Variants in C13orf42 observed in about 807,000 individuals in gnomAD.
The protein encoded by C13orf42 is uncharacterized protein C13orf42.
intron 1 of C13orf42, chr13:51,172,237 G>A (rs1332641763): frequency 3.3e-5 from 5 of 152,082 alleles, no homozygotes; most frequent in African/African-American, 7.3e-5. Flanking sequence ...ACTGAAAATC[G>A]GACTGTTCAA....
chr13:51,102,117 A>G (rs1324950692), intron 1 of C13orf42, among the ~76,000 whole-genome samples: 1 of 152,190 alleles, frequency 6.6e-6, no homozygotes, highest in Non-Finnish European at 1.5e-5. Flanking sequence ...GTTCATATTG[A>G]ATTTTTACTG....
At chr13:51,110,342 A>G (rs1388015480) in intron 1 of C13orf42, among the ~76,000 whole-genome samples, 8 of 152,200 alleles carry the variant, frequency 5.3e-5, no homozygotes. Flanking sequence ...ATAGATGTGC[A>G]ATGCAAATAT....
chr13:51,147,871 G>A (rs953585894), intron 1 of C13orf42, among the ~76,000 whole-genome samples: 5 of 152,184 alleles, frequency 3.3e-5, no homozygotes, highest in Non-Finnish European at 5.9e-5. Context: ...CAGCAGGGAG[G>A]AACGGGTCTG....
At chr13:51,125,143 C>T (rs1953565956) in intron 1 of C13orf42, among the ~76,000 whole-genome samples, 2 of 152,160 alleles carry the variant, frequency 1.3e-5, no homozygotes, top group African/African-American at 4.8e-5. Context: ...TTAACAGCCT[C>T]TCTGCTGGGC....
At chr13:51,118,670 A>G (rs972432861) in intron 1 of C13orf42, among the ~76,000 whole-genome samples, 3 of 152,164 alleles carry the variant, frequency 2.0e-5, no homozygotes, top group Non-Finnish European at 4.4e-5. Flanking sequence ...AAGAACTCAG[A>G]ACATATTTAG....
chr13:51,150,488 C>T (rs7987890), intron 1 of C13orf42, among the ~76,000 whole-genome samples: 17,544 of 152,204 alleles, frequency 0.12, 1,194 homozygotes, highest in Middle Eastern at 0.17. Context: ...CACACTCCTC[C>T]GTCCTGGTCA....
intron 1 of C13orf42, among the ~76,000 whole-genome samples, chr13:51,130,812 C>A (rs911338064): frequency 1.9e-4 from 28 of 150,564 alleles, no homozygotes; most frequent in African/African-American, 6.6e-4. Context: ...AGAAACAGTT[C>A]TATGTGTAAG....
intron 1 of C13orf42, among the ~76,000 whole-genome samples, chr13:51,109,827 G>A (rs1195518254): frequency 6.6e-6 from 1 of 152,152 alleles, no homozygotes; most frequent in Non-Finnish European, 1.5e-5. Context: ...AAAATTAGGT[G>A]ACCTAGCACC....
intron 1 of C13orf42, among the ~76,000 whole-genome samples, chr13:51,092,334 T>C (rs796482222): frequency 9.8e-5 from 15 of 152,378 alleles, no homozygotes; most frequent in African/African-American, 3.6e-4. Flanking sequence ...CTTTAATCCA[T>C]GTTTTTGATC....
At chr13:51,130,815 T>C (rs1953610760) in intron 1 of C13orf42, among the ~76,000 whole-genome samples, 1 of 151,252 alleles carries the variant, frequency 6.6e-6, no homozygotes, top group Non-Finnish European at 1.5e-5. Context: ...AACAGTTCTA[T>C]GTGTAAGGCA....
chr13:51,170,321 G>A (rs564809075), intron 1 of C13orf42, among the ~76,000 whole-genome samples: 6 of 152,184 alleles, frequency 3.9e-5, no homozygotes, highest in Non-Finnish European at 7.3e-5. Flanking sequence ...ATGAAGTTTG[G>A]TGCCATGACT....
chr13:51,126,568 T>C (rs1468119123), intron 1 of C13orf42, among the ~76,000 whole-genome samples: 2 of 152,226 alleles, frequency 1.3e-5, no homozygotes, highest in Non-Finnish European at 2.9e-5. Flanking sequence ...GGTTCTGTGA[T>C]GCTTTATTTG....
At chr13:51,130,330 G>A (rs1953606927) in intron 1 of C13orf42, among the ~76,000 whole-genome samples, 1 of 152,126 alleles carries the variant, frequency 6.6e-6, no homozygotes, top group South Asian at 2.1e-4. Context: ...ATAAGGCCTG[G>A]GAACATGTGA....
intron 1 of C13orf42, among the ~76,000 whole-genome samples, chr13:51,104,926 G>A (rs758265898): frequency 6.6e-6 from 1 of 152,206 alleles, no homozygotes; most frequent in African/African-American, 2.4e-5. Flanking sequence ...GGCACACACA[G>A]AGGCTGATGC....
At chr13:51,100,853 G>C (rs1263178195) in intron 1 of C13orf42, among the ~76,000 whole-genome samples, 1 of 152,176 alleles carries the variant, frequency 6.6e-6, no homozygotes, top group Non-Finnish European at 1.5e-5. Flanking sequence ...CAGACATAGA[G>C]TAAAATGTGT....
chr13:51,145,676 CG>C (rs1038267381), intron 1 of C13orf42, among the ~76,000 whole-genome samples: 1 of 152,028 alleles, frequency 6.6e-6, no homozygotes, highest in African/African-American at 2.4e-5. Context: ...GAGACAGGTG[CG>C]TATCTGATTG....
chr13:51,106,316 C>T (rs1332682811), intron 1 of C13orf42, among the ~76,000 whole-genome samples: 1 of 152,196 alleles, frequency 6.6e-6, no homozygotes, highest in African/African-American at 2.4e-5. Flanking sequence ...AATCCACGTG[C>T]AGTATGACGC....
intron 1 of C13orf42, among the ~76,000 whole-genome samples, chr13:51,089,560 T>G (rs970938927): frequency 9.9e-5 from 15 of 152,052 alleles, no homozygotes; most frequent in Non-Finnish European, 5.9e-5. Context: ...GTGAAGAAGC[T>G]GCCTACTCTC....
rs370821381 is a variant in C13orf42 at position 51,092,344 on chromosome 13, C to T, written c.415-4269G>A. On this transcript the variant is annotated intron_variant, in intron 1 of 3. Coordinates refer to ENST00000563710, the MANE Select transcript of C13orf42 (RefSeq NM_001351589.3). ...CTTCACTTTAATCCATGTTTTTGAT[C>T]ACCAATCTTTTGAATAGGATTTATT... 5.9e-5 allele frequency among the ~76,000 whole-genome samples: 9 copies of T among 152,296 alleles called. No homozygotes were observed. In the East Asian group the frequency reaches 1.5e-3, roughly 26 times the overall value.
Sources: allele counts gnomAD v4.1 joint callset (sites outside exome capture counted in the v4.1 genomes callset), GRCh38; gene constraint gnomAD v4.1.1; transcripts MANE v1.5; gene names NCBI Gene and HGNC (gene_info 2026-07-23, HGNC 2026-07-21).